Variants in CHN2 observed in about 807,000 individuals in gnomAD.
CHN2 encodes the protein chimerin 2.
CHN2 carries 35 observed loss-of-function variants against 56.3 expected under a neutral mutation model. The observed-to-expected ratio is 0.62, with a 90% confidence interval of 0.47 to 0.82. The LOEUF (loss-of-function observed/expected upper bound fraction) is 0.82. Among genes scored for constraint, CHN2 ranks in the 40% least tolerant of loss-of-function variants. CHN2 has a pLI of 0.00. For synonymous variants in CHN2, 210 were observed against 212.8 expected (o/e 0.99, Z 0.12); for missense variants, 491 against 580.5 (o/e 0.85, Z 1.58).
chr7:29,253,906 A>AT (rs894219220), intron 1 of CHN2, among the ~76,000 whole-genome samples: 99 of 149,784 alleles, frequency 6.6e-4, no homozygotes, highest in Middle Eastern at 3.5e-3. Flanking sequence ...AAATGTAGCT[A>AT]TTTTTTTTTT....
intron 6 of CHN2, among the ~76,000 whole-genome samples, chr7:29,407,223 A>G (rs1802735794): frequency 6.6e-6 from 1 of 152,096 alleles, no homozygotes; most frequent in Non-Finnish European, 1.5e-5. Context: ...TTTCAGTGAC[A>G]CCAAGGAGGC....
intron 2 of CHN2, among the ~76,000 whole-genome samples, chr7:29,184,789 C>T (rs1392848894): frequency 6.6e-6 from 1 of 152,144 alleles, no homozygotes; most frequent in African/African-American, 2.4e-5. Context: ...ACCCCACAGC[C>T]CAATCAAGTT....
At chr7:29,510,685 G>T (rs1036697771) in intron 12 of CHN2, among the ~76,000 whole-genome samples, 1 of 152,142 alleles carries the variant, frequency 6.6e-6, no homozygotes, top group Non-Finnish European at 1.5e-5. Flanking sequence ...ATGAGAGACA[G>T]TCTTTTTGTA....
At chr7:29,488,756 A>C (rs1200083802) in intron 7 of CHN2, among the ~76,000 whole-genome samples, 1 of 151,526 alleles carries the variant, frequency 6.6e-6, no homozygotes, top group Non-Finnish European at 1.5e-5. Flanking sequence ...CCCAGCTGGG[A>C]GTGCTACTGG....
At chr7:29,459,058 C>G (rs1007560604) in intron 6 of CHN2, among the ~76,000 whole-genome samples, 3 of 152,198 alleles carry the variant, frequency 2.0e-5, no homozygotes, top group Non-Finnish European at 4.4e-5. Flanking sequence ...GGGACCAGTT[C>G]CTGGTTCCCT....
At chr7:29,407,151 T>C (rs1802728112) in intron 6 of CHN2, among the ~76,000 whole-genome samples, 1 of 152,176 alleles carries the variant, frequency 6.6e-6, no homozygotes, top group African/African-American at 2.4e-5. Context: ...GACCATCTCA[T>C]GCAACCCTTC....
intron 7 of CHN2, among the ~76,000 whole-genome samples, chr7:29,487,846 C>T (rs1021009281): frequency 6.6e-6 from 1 of 152,170 alleles, no homozygotes; most frequent in Non-Finnish European, 1.5e-5. Context: ...AAGAGTTGTG[C>T]AGCCCTAAAT....
chr7:29,184,892 T>C (rs566611240), intron 2 of CHN2, among the ~76,000 whole-genome samples: 1 of 152,296 alleles, frequency 6.6e-6, no homozygotes, highest in East Asian at 1.9e-4. Context: ...CCCTGAGGAA[T>C]GGGAGTTTAT....
At chr7:29,495,689 TCTTACTCCTTAG>T (rs1789191279) in intron 7 of CHN2, among the ~76,000 whole-genome samples, 1 of 152,164 alleles carries the variant, frequency 6.6e-6, no homozygotes, top group South Asian at 2.1e-4. Flanking sequence ...GTGGTCACAG[TCTTACTCCTTAG>T]CTGATGGCAT....
chr7:29,222,504 G>A (rs1418444710), intron 1 of CHN2, among the ~76,000 whole-genome samples: 2 of 91,434 alleles, frequency 2.2e-5, no homozygotes, highest in Non-Finnish European at 2.3e-5. Context: ...GACACACAGA[G>A]CAATGGAATG....
intron 1 of CHN2, among the ~76,000 whole-genome samples, chr7:29,303,982 C>T (rs1793928100): frequency 6.6e-6 from 1 of 152,022 alleles, no homozygotes; most frequent in Admixed American, 6.5e-5. Flanking sequence ...ATGGCTTGAA[C>T]CCAGGAGGCG....
intron 1 of CHN2, among the ~76,000 whole-genome samples, chr7:29,217,357 G>T (rs1584766580): frequency 6.6e-6 from 1 of 152,156 alleles, no homozygotes; most frequent in Non-Finnish European, 1.5e-5. Flanking sequence ...CTTAGCTTCA[G>T]CAGCCTATCT....
chr7:29,412,585 T>G (rs1265551230), intron 6 of CHN2, among the ~76,000 whole-genome samples: 1 of 152,136 alleles, frequency 6.6e-6, no homozygotes, highest in East Asian at 1.9e-4. Context: ...CACCTTGGCT[T>G]CCCAAAGTGC....
At chr7:29,156,529 T>C (rs542681250) in intron 2 of CHN2, among the ~76,000 whole-genome samples, 3 of 152,320 alleles carry the variant, frequency 2.0e-5, no homozygotes, top group East Asian at 1.9e-4. Context: ...TCTCCTTTTA[T>C]TGGGGCTGAA....
intron 1 of CHN2, among the ~76,000 whole-genome samples, chr7:29,272,688 A>G (rs7803504): frequency 0.085 from 13,009 of 152,242 alleles, 887 homozygotes; most frequent in African/African-American, 0.19. Context: ...AATATTTTGT[A>G]TCAGTCAATA....
chr7:29,462,307 G>A (rs971145061), intron 6 of CHN2, among the ~76,000 whole-genome samples: 51 of 152,174 alleles, frequency 3.4e-4, no homozygotes, highest in African/African-American at 1.2e-3. Flanking sequence ...GGACACTATT[G>A]CTGAATGACA....
chr7:29,203,053 T>C (rs141363683), intron 1 of CHN2, among the ~76,000 whole-genome samples: 44 of 152,326 alleles, frequency 2.9e-4, no homozygotes, highest in African/African-American at 1.1e-3. Context: ...CTAGTCTGAA[T>C]TGAGATGTGC....
chr7:29,464,310 G>C (rs1303755440), intron 6 of CHN2, among the ~76,000 whole-genome samples: 1 of 152,148 alleles, frequency 6.6e-6, no homozygotes, highest in African/African-American at 2.4e-5. Flanking sequence ...GAAAATGCTG[G>C]TTGTTCTAAA....
chr7:29,155,502 G>T (rs962679746), intron 2 of CHN2, among the ~76,000 whole-genome samples: 1 of 152,202 alleles, frequency 6.6e-6, no homozygotes, highest in Non-Finnish European at 1.5e-5. Context: ...TGTAACAGAA[G>T]AATAGAGATG....
Sources: allele counts gnomAD v4.1 joint callset (sites outside exome capture counted in the v4.1 genomes callset), GRCh38; gene constraint gnomAD v4.1.1; transcripts MANE v1.5; gene names NCBI Gene and HGNC (gene_info 2026-07-23, HGNC 2026-07-21).